The following LYPLA1 variants were observed in gnomAD, a reference collection of about 807,000 sequenced individuals.
The protein encoded by LYPLA1 is lysophospholipase 1.
A neutral mutation model predicts 34.0 loss-of-function variants in LYPLA1; 17 were observed. That is an observed-to-expected ratio of 0.50 (90% CI 0.34 to 0.75). LYPLA1 has a LOEUF of 0.75. LYPLA1 is among the 30% of genes least tolerant of loss of function. The pLI is 0.01. For synonymous variants in LYPLA1, 98 were observed against 100.8 expected, an observed-to-expected ratio of 0.97 and a Z score of 0.17; for missense variants, 203 against 288.8, an observed-to-expected ratio of 0.70 and a Z score of 2.15.
intron 2 of LYPLA1, among the ~76,000 whole-genome samples, chr8:54,069,333 A>G (rs575811357): frequency 6.6e-6 from 1 of 152,348 alleles, no homozygotes; most frequent in African/African-American, 2.4e-5. Context: ...CATGTTGTAT[A>G]CATGTATCAA....
At chr8:54,048,903 C>G (rs1467259739) in intron 8 of LYPLA1, among the ~76,000 whole-genome samples, 1 of 152,212 alleles carries the variant, frequency 6.6e-6, no homozygotes, top group African/African-American at 2.4e-5. Flanking sequence ...ATTTTCTGCT[C>G]CTCCTCATTC....
intron 5 of LYPLA1, among the ~76,000 whole-genome samples, chr8:54,060,286 C>T (rs371107712): frequency 3.2e-4 from 49 of 152,054 alleles, no homozygotes; most frequent in African/African-American, 1.0e-3. Flanking sequence ...CTACCATGCC[C>T]GGCTAATTTT....
intron 2 of LYPLA1, among the ~76,000 whole-genome samples, chr8:54,070,869 A>G (rs1031286434): frequency 6.6e-6 from 1 of 152,224 alleles, no homozygotes; most frequent in East Asian, 1.9e-4. Context: ...TAGAACACAA[A>G]TGAAAGAGTA....
chr8:54,085,735 C>T (rs369296278), intron 2 of LYPLA1, among the ~76,000 whole-genome samples: 20 of 149,276 alleles, frequency 1.3e-4, no homozygotes, highest in African/African-American at 3.2e-4. Context: ...GGAGCCCCTC[C>T]GCCCGGCCAG....
chr8:54,056,027 C>G (rs1002783349), intron 5 of LYPLA1, among the ~76,000 whole-genome samples: 20 of 152,246 alleles, frequency 1.3e-4, no homozygotes, highest in African/African-American at 4.6e-4. Flanking sequence ...AATCACATTA[C>G]TTTACTTCAA....
intron 8 of LYPLA1, 47 bp from the exon 9 acceptor site, chr8:54,048,165 G>T: frequency 8.3e-7 from 1 of 1,210,918 alleles, no homozygotes; most frequent in Non-Finnish European, 1.2e-6. Flanking sequence ...ATGTAAGTCA[G>T]AAATTAAATT....
chr8:54,101,571 T>C, intron 1 of LYPLA1, 184 bp downstream of exon 1: 1 of 1,151,464 alleles, frequency 8.7e-7, no homozygotes, highest in Non-Finnish European at 1.1e-6. Flanking sequence ...GCGCCGGCTG[T>C]GACCCCCCGG....
rs1373539840 is a variant in LYPLA1 at position 54,085,674 on chromosome 8, C to T, written c.101+15234G>A. Among the ~76,000 whole-genome samples the T allele has an allele frequency of 5.9e-5, 9 of 151,264 alleles. No individual in the cohort carries two copies. In the South Asian group the frequency reaches 1.0e-3, roughly 18 times the overall value. On this transcript the variant is annotated intron_variant, in intron 2 of 8. Transcript: ENST00000316963. ...GAGTGTCTCTGCCCCGCCGTCACCC[C>T]GTCCGGGAGGTGAGGAGCATCTCTG...
chr8:54,057,341 T>C (rs1023789659), intron 5 of LYPLA1, among the ~76,000 whole-genome samples: 1 of 152,284 alleles, frequency 6.6e-6, no homozygotes, highest in Non-Finnish European at 1.5e-5. Flanking sequence ...AATCAGTATA[T>C]TGAAGAGATA....
At chr8:54,059,832 AG>A (rs1806470688) in intron 5 of LYPLA1, among the ~76,000 whole-genome samples, 1 of 152,138 alleles carries the variant, frequency 6.6e-6, no homozygotes, top group Admixed American at 6.5e-5. Flanking sequence ...GAGGCGGGAG[AG>A]TTGCTGGAGA....
At chr8:54,068,945 T>TA (rs1289436075) in intron 2 of LYPLA1, among the ~76,000 whole-genome samples, 6 of 151,944 alleles carry the variant, frequency 3.9e-5, no homozygotes, top group Non-Finnish European at 5.9e-5. Context: ...GTATCCATAA[T>TA]AAAAAAAACT....
chr8:54,072,841 G>A (rs1470171570), intron 2 of LYPLA1, among the ~76,000 whole-genome samples: 6 of 151,384 alleles, frequency 4.0e-5, no homozygotes, highest in South Asian at 2.1e-4. Context: ...TTAGCCAGGC[G>A]TGGTGGTGCG....
chr8:54,064,682 C>CAGTTAG (rs1806915075), intron 3 of LYPLA1, among the ~76,000 whole-genome samples: 1 of 152,156 alleles, frequency 6.6e-6, no homozygotes, highest in Admixed American at 6.5e-5. Context: ...ATGAGTATGT[C>CAGTTAG]CAATCCCTTC....
chr8:54,065,861 C>A, intron 2 of LYPLA1, 48 bp from the exon 3 acceptor site: 1 of 1,238,618 alleles, frequency 8.1e-7, no homozygotes, highest in Non-Finnish European at 1.2e-6. Context: ...GTTTTAAATC[C>A]CAGTAAGTAA....
intron 2 of LYPLA1, among the ~76,000 whole-genome samples, chr8:54,081,100 T>C (rs1347758072): frequency 6.6e-6 from 1 of 152,166 alleles, no homozygotes; most frequent in Non-Finnish European, 1.5e-5. Context: ...CAAAGGCCTT[T>C]TGCTGTACTC....
chr8:54,058,973 C>A (rs896544291), intron 5 of LYPLA1, among the ~76,000 whole-genome samples: 2 of 152,164 alleles, frequency 1.3e-5, no homozygotes, highest in South Asian at 4.2e-4. Context: ...TTTTTTCTTT[C>A]CTGGCTGAGT....
At chr8:54,094,334 A>G (rs1294338396) in intron 2 of LYPLA1, among the ~76,000 whole-genome samples, 1 of 152,116 alleles carries the variant, frequency 6.6e-6, no homozygotes, top group Non-Finnish European at 1.5e-5. Context: ...CAGGTGTGAT[A>G]TTCAGCAGAT....
At chr8:54,065,491 A>T (rs560856197) in intron 3 of LYPLA1, among the ~76,000 whole-genome samples, 1 of 101,558 alleles carries the variant, frequency 9.8e-6, no homozygotes, top group Non-Finnish European at 2.3e-5. Flanking sequence ...AATAAATAAA[A>T]TAATTTTTCT....
At chr8:54,093,984 T>C (rs1424682144) in intron 2 of LYPLA1, among the ~76,000 whole-genome samples, 1 of 152,240 alleles carries the variant, frequency 6.6e-6, no homozygotes, top group Non-Finnish European at 1.5e-5. Context: ...TCACATTCTA[T>C]AATTCTATTA....
Sources: allele counts gnomAD v4.1 joint callset (sites outside exome capture counted in the v4.1 genomes callset), GRCh38; gene constraint gnomAD v4.1.1; transcripts MANE v1.5; gene names NCBI Gene and HGNC (gene_info 2026-07-23, HGNC 2026-07-21).